Variants in NPIPA1 observed in about 807,000 individuals in gnomAD.
The protein encoded by NPIPA1 is nuclear pore complex-interacting protein family member A1.
For missense variants in NPIPA1, 22 were observed against 232.2 expected, an observed-to-expected ratio of 0.09 and a Z score of 5.88; for synonymous variants, 7 against 88.0, an observed-to-expected ratio of 0.08 and a Z score of 5.15.
At chr16:14,946,557 C>T (rs1965891554) in intron 4 of NPIPA1, among the ~76,000 whole-genome samples, 1 of 147,052 alleles carries the variant, frequency 6.8e-6, no homozygotes, top group African/African-American at 2.5e-5. Flanking sequence ...TAGAGTCTCG[C>T]TCTGTCGCCC....
At chr16:14,943,790 A>G (rs1219486065) in intron 2 of NPIPA1, among the ~76,000 whole-genome samples, 7 of 152,022 alleles carry the variant, frequency 4.6e-5, no homozygotes, top group Non-Finnish European at 1.0e-4. Flanking sequence ...ATCCTAGTAC[A>G]TGATTTTTTT....
intron 1 of NPIPA1, among the ~76,000 whole-genome samples, chr16:14,941,081 G>A (rs1338219639): frequency 1.3e-5 from 2 of 149,810 alleles, no homozygotes; most frequent in Admixed American, 6.8e-5. Context: ...TGAGCCGAGA[G>A]CACACCACTG....
At chr16:14,940,502 T>A in intron 1 of NPIPA1, among the ~76,000 whole-genome samples, 1 of 144,248 alleles carries the variant, frequency 6.9e-6, no homozygotes, top group African/African-American at 2.6e-5. Flanking sequence ...AGGTCAGGAG[T>A]TGGAGACCAG....
chr16:14,938,043 TCTC>T (rs1451555532), intron 1 of NPIPA1, among the ~76,000 whole-genome samples: 77 of 105,296 alleles, frequency 7.3e-4, no homozygotes, highest in African/African-American at 2.7e-3. Context: ...ACAGCCCCCT[TCTC>T]CTCCTTTCCC....
At chr16:14,937,926 G>T (rs1965655428) in intron 1 of NPIPA1, among the ~76,000 whole-genome samples, 1 of 146,864 alleles carries the variant, frequency 6.8e-6, no homozygotes, top group African/African-American at 2.5e-5. Flanking sequence ...TTGCTTCCCT[G>T]ATCTTCTCCG....
chr16:14,947,797 TC>T (rs1965928048), intron 4 of NPIPA1, among the ~76,000 whole-genome samples: 1 of 152,254 alleles, frequency 6.6e-6, no homozygotes, highest in African/African-American at 2.4e-5. Flanking sequence ...TTAGCCTCCC[TC>T]CAGAGTCAGG....
At chr16:14,946,396 A>G (rs1965886493) in intron 4 of NPIPA1, among the ~76,000 whole-genome samples, 1 of 143,386 alleles carries the variant, frequency 7.0e-6, no homozygotes, top group African/African-American at 2.6e-5. Context: ...TAATTTTTGT[A>G]TTTTTACTAG....
At chr16:14,941,624 CA>C (rs1965757287) in intron 1 of NPIPA1, 187 bp from the exon 2 acceptor site, 1 of 82,532 alleles carries the variant, frequency 1.2e-5, no homozygotes, top group Non-Finnish European at 2.0e-5. Context: ...AAAACACTAC[CA>C]GCCATCTGAA....
At chr16:14,944,907 A>ATTTTTT in intron 2 of NPIPA1, among the ~76,000 whole-genome samples, 1 of 123,118 alleles carries the variant, frequency 8.1e-6, no homozygotes, top group Non-Finnish European at 1.7e-5. Flanking sequence ...CCTGGCCTAT[A>ATTTTTT]TTTTTTTTTT....
At chr16:14,946,858 A>G (rs1965899999) in intron 4 of NPIPA1, among the ~76,000 whole-genome samples, 1 of 152,002 alleles carries the variant, frequency 6.6e-6, no homozygotes, top group African/African-American at 2.4e-5. Flanking sequence ...CCATGCCCAG[A>G]TAATTTTTGT....
chr16:14,943,125 T>C (rs374430849), intron 2 of NPIPA1, among the ~76,000 whole-genome samples: 239 of 151,182 alleles, frequency 1.6e-3, no homozygotes, highest in Admixed American at 5.8e-3. Context: ...AGAGAATTTT[T>C]GGTATAAATT....
chr16:14,949,377 G>A (rs1169186619), intron 5 of NPIPA1: 28 of 312,512 alleles, frequency 9.0e-5, no homozygotes, highest in African/African-American at 8.1e-4. Context: ...AAAGGACTAT[G>A]CCTGTTTATA....
intron 2 of NPIPA1, among the ~76,000 whole-genome samples, chr16:14,944,358 C>T (rs1168349151): frequency 6.6e-6 from 1 of 152,220 alleles, no homozygotes; most frequent in East Asian, 1.9e-4. Flanking sequence ...CTCAACGAAG[C>T]TGATGTGAGG....
intron 1 of NPIPA1, among the ~76,000 whole-genome samples, chr16:14,938,767 C>A (rs1268786825): frequency 6.6e-6 from 1 of 151,948 alleles, no homozygotes; most frequent in African/African-American, 2.4e-5. Flanking sequence ...AAGACAGAGT[C>A]TCATTCTGTC....
At chr16:14,937,968 G>A (rs1965656490) in intron 1 of NPIPA1, among the ~76,000 whole-genome samples, 1 of 146,676 alleles carries the variant, frequency 6.8e-6, no homozygotes, top group Non-Finnish European at 1.5e-5. Flanking sequence ...ACCAGCGCTT[G>A]AGAACTTAAT....
At chr16:14,944,907 ATTT>A (rs71270869) in intron 2 of NPIPA1, among the ~76,000 whole-genome samples, 33 of 122,938 alleles carry the variant, frequency 2.7e-4, no homozygotes, top group South Asian at 8.3e-4. Flanking sequence ...CCTGGCCTAT[ATTT>A]TTTTTTTTTT....
At chr16:14,944,254 A>G (rs1486273988) in intron 2 of NPIPA1, among the ~76,000 whole-genome samples, 2 of 152,208 alleles carry the variant, frequency 1.3e-5, no homozygotes, top group African/African-American at 4.8e-5. Context: ...AATATTTAAT[A>G]TCTTCGAAGA....
At chr16:14,944,982 G>C (rs2151080862) in intron 2 of NPIPA1, among the ~76,000 whole-genome samples, 1 of 147,748 alleles carries the variant, frequency 6.8e-6, no homozygotes, top group Admixed American at 6.9e-5. Flanking sequence ...CACAATCTCA[G>C]CTCAACACAA....
At chr16:14,947,834 A>G (rs1316516064) in intron 4 of NPIPA1, among the ~76,000 whole-genome samples, 2 of 152,146 alleles carry the variant, frequency 1.3e-5, no homozygotes, top group African/African-American at 2.4e-5. Flanking sequence ...TCCCAAGTGC[A>G]CAGCAGGAGT....
Sources: gnomAD v4.1 joint callset for allele counts (sites outside exome capture counted in the v4.1 genomes callset) on GRCh38, gnomAD v4.1.1 for gene constraint, MANE v1.5 for transcripts, NCBI Gene and HGNC (gene_info 2026-07-23, HGNC 2026-07-21) for gene names.